Variants in FHIT observed in about 807,000 individuals in gnomAD.
The protein encoded by FHIT is fragile histidine triad diadenosine triphosphatase.
Under a neutral mutation model 17.9 loss-of-function variants are expected in FHIT, and 19 were observed. The ratio of observed to expected loss-of-function variants is 1.06; its 90% confidence interval spans 0.74 to 1.56. The LOEUF (loss-of-function observed/expected upper bound fraction) is 1.56. Ranked by LOEUF, FHIT falls within the 40% of genes most tolerant of loss-of-function variation. The probability of loss-of-function intolerance (pLI) is 0.00; values close to 1 mark genes in which losing one functional copy is unlikely to be tolerated. For missense variants in FHIT, 248 were observed against 189.2 expected, an observed-to-expected ratio of 1.31 and a Z score of -1.82; for synonymous variants, 81 against 69.7, an observed-to-expected ratio of 1.16 and a Z score of -0.81.
chr3:59,916,444 T>C (rs890762864), intron 8 of FHIT, among the ~76,000 whole-genome samples: 9 of 152,156 alleles, frequency 5.9e-5, no homozygotes, highest in Non-Finnish European at 1.0e-4. Flanking sequence ...CTTGTGATCA[T>C]GTAAGTCAAT....
At chr3:60,127,939 C>T (rs957794140) in intron 5 of FHIT, among the ~76,000 whole-genome samples, 5 of 152,134 alleles carry the variant, frequency 3.3e-5, no homozygotes, top group Admixed American at 3.3e-4. Flanking sequence ...CCTGCAAGTA[C>T]ATTTTATTAG....
intron 5 of FHIT, among the ~76,000 whole-genome samples, chr3:60,192,834 C>T (rs559644416): frequency 3.5e-4 from 53 of 152,252 alleles, no homozygotes; most frequent in African/African-American, 1.2e-3. Flanking sequence ...TTCGTAACCA[C>T]GATCCACATT....
At chr3:60,480,631 T>C (rs1450570604) in intron 5 of FHIT, among the ~76,000 whole-genome samples, 2 of 152,184 alleles carry the variant, frequency 1.3e-5, no homozygotes, top group Non-Finnish European at 2.9e-5. Context: ...ACAGGTCCCA[T>C]GCAAATCCGA....
chr3:59,854,628 A>C (rs1169610516), intron 8 of FHIT, among the ~76,000 whole-genome samples: 2 of 152,142 alleles, frequency 1.3e-5, no homozygotes, highest in Non-Finnish European at 2.9e-5. Context: ...TAATCCTCAC[A>C]ATTTTGTGAT....
chr3:60,743,519 A>C (rs1221887444), intron 4 of FHIT, among the ~76,000 whole-genome samples: 1 of 152,168 alleles, frequency 6.6e-6, no homozygotes, highest in Non-Finnish European at 1.5e-5. Context: ...CACCTTGTGT[A>C]TAAACACAAA....
chr3:60,998,183 G>C (rs2030810517), intron 3 of FHIT, among the ~76,000 whole-genome samples: 1 of 152,166 alleles, frequency 6.6e-6, no homozygotes, highest in African/African-American at 2.4e-5. Flanking sequence ...GACATCACAT[G>C]ATGAAACAAT....
chr3:60,225,264 G>A lies in FHIT; in HGVS notation c.104-211112C>T, dbSNP rs73832509. Among the ~76,000 whole-genome samples the A allele has an allele frequency of 8.3e-4, 126 of 152,240 alleles. No homozygotes were observed. The Middle Eastern group carries it at 0.017, about 21-fold the overall frequency. ...CTGATTAGATACTTTATCCAGTGACGTGGTTAACTACATGCTGACCAACTG... is the reference window on the plus strand; with the variant it reads ...CTGATTAGATACTTTATCCAGTGACATGGTTAACTACATGCTGACCAACTG... On this transcript the variant is annotated intron_variant, in intron 5 of 9. Coordinates refer to ENST00000492590, the MANE Select transcript of FHIT (RefSeq NM_002012.4).
chr3:60,950,681 TA>T (rs1553776999), intron 3 of FHIT, among the ~76,000 whole-genome samples: 1 of 149,822 alleles, frequency 6.7e-6, no homozygotes, highest in African/African-American at 2.5e-5. Context: ...CACACCTGGC[TA>T]ATTTTTTTTT....
intron 5 of FHIT, among the ~76,000 whole-genome samples, chr3:60,124,610 A>G (rs9813494): frequency 0.63 from 95,489 of 152,014 alleles, 30,339 homozygotes; most frequent in African/African-American, 0.66. Context: ...CATCTTCTTT[A>G]ATCAAAGTGT....
intron 8 of FHIT, among the ~76,000 whole-genome samples, chr3:59,896,392 T>G (rs2107046180): frequency 6.6e-6 from 1 of 152,316 alleles, no homozygotes; most frequent in East Asian, 1.9e-4. Context: ...TTGCCTAGAA[T>G]TTTCAAATTA....
chr3:61,146,761 A>G (rs1016336734), intron 2 of FHIT, among the ~76,000 whole-genome samples: 3 of 152,050 alleles, frequency 2.0e-5, no homozygotes, highest in East Asian at 1.9e-4. Context: ...TCCTCAGGGT[A>G]TATGCAAAGA....
intron 5 of FHIT, among the ~76,000 whole-genome samples, chr3:60,257,268 T>C (rs1258082723): frequency 6.6e-6 from 1 of 152,200 alleles, no homozygotes; most frequent in Non-Finnish European, 1.5e-5. Context: ...GTTTAGCTCC[T>C]AACAGATCCT....
chr3:59,973,187 G>T (rs61039804), intron 7 of FHIT, among the ~76,000 whole-genome samples: 10 of 151,890 alleles, frequency 6.6e-5, no homozygotes, highest in Admixed American at 2.0e-4. Context: ...TTATCCACTC[G>T]CATTTCCTCT....
chr3:60,311,258 T>C lies in FHIT; in HGVS notation c.103+225602A>G, dbSNP rs1366405339. 2.6e-5 allele frequency among the ~76,000 whole-genome samples: 4 copies of C among 152,210 alleles called. No homozygotes were observed. In the East Asian group the frequency reaches 7.7e-4, roughly 29 times the overall value. On this transcript the variant is annotated intron_variant, in intron 5 of 9. Transcript: ENST00000492590. ...AAACCCCTCTACCCCAACGTGTGTGTGTGTGTGTGTGTTTCATTTTGTTTA... is the reference window on the plus strand; with the variant it reads ...AAACCCCTCTACCCCAACGTGTGTGCGTGTGTGTGTGTTTCATTTTGTTTA...
chr3:60,628,472 T>C (rs1046476796), intron 4 of FHIT, among the ~76,000 whole-genome samples: 1 of 152,218 alleles, frequency 6.6e-6, no homozygotes, highest in East Asian at 1.9e-4. Flanking sequence ...CACCCAGCTG[T>C]TATGCTTCAC....
intron 5 of FHIT, among the ~76,000 whole-genome samples, chr3:60,130,216 T>C (rs1699478685): frequency 6.6e-6 from 1 of 152,198 alleles, no homozygotes; most frequent in Non-Finnish European, 1.5e-5. Flanking sequence ...ATACGTGCCA[T>C]GTAATATCTG....
chr3:60,132,959 G>A (rs1559663347), intron 5 of FHIT, among the ~76,000 whole-genome samples: 4 of 152,074 alleles, frequency 2.6e-5, no homozygotes, highest in African/African-American at 9.7e-5. Flanking sequence ...ATGACATACT[G>A]AAATAGCATC....
At chr3:60,671,582 GA>G (rs34559466) in intron 4 of FHIT, among the ~76,000 whole-genome samples, 1 of 150,388 alleles carries the variant, frequency 6.6e-6, no homozygotes, top group African/African-American at 2.4e-5. Flanking sequence ...ATACAATATT[GA>G]AAAAAAAATC....
At chr3:60,902,244 T>C (rs962844926) in intron 3 of FHIT, among the ~76,000 whole-genome samples, 1 of 152,240 alleles carries the variant, frequency 6.6e-6, no homozygotes, top group Non-Finnish European at 1.5e-5. Context: ...AAAAACATCA[T>C]ATAAATGCAA....
Sources: gnomAD v4.1 joint callset for allele counts (sites outside exome capture counted in the v4.1 genomes callset) on GRCh38, gnomAD v4.1.1 for gene constraint, MANE v1.5 for transcripts, NCBI Gene and HGNC (gene_info 2026-07-23, HGNC 2026-07-21) for gene names.